The following PIPOX variants were observed in gnomAD, a reference collection of about 807,000 sequenced individuals.
PIPOX encodes the protein peroxisomal sarcosine oxidase.
A neutral mutation model predicts 47.9 loss-of-function variants in PIPOX; 45 were observed. The observed-to-expected ratio is 0.94, with a 90% confidence interval of 0.74 to 1.20. The LOEUF (loss-of-function observed/expected upper bound fraction) is 1.20. Among genes scored for constraint, PIPOX ranks in the 50% most tolerant of loss-of-function variants. The probability of loss-of-function intolerance (pLI) is 0.00; values close to 1 mark genes in which losing one functional copy is unlikely to be tolerated. For missense variants in PIPOX, 458 were observed against 498.4 expected, an observed-to-expected ratio of 0.92 and a Z score of 0.77; for synonymous variants, 165 against 191.3, an observed-to-expected ratio of 0.86 and a Z score of 1.13.
Position 29,053,479 on chromosome 17 carries a change from C to A in PIPOX, c.544C>A (p.Leu182Ile), listed in dbSNP as rs754941236. 10 of 1,614,032 alleles carry A rather than the reference C, an allele frequency of 6.2e-6. No individual in the cohort carries two copies. Among genetic ancestry groups the A allele is most frequent in the Non-Finnish European group, 8.5e-6 (10 of 1,179,980 alleles). Residue 182 changes from leucine to isoleucine, a missense_variant, in exon 4 of 8, where the codon CTA becomes ATA. Leu to Ile is a conservative substitution (Grantham distance 5, BLOSUM62 2). Transcript: ENST00000323372. ...GEKVVEINPG[L>I]LVTVKTTSRS... ...GAAGGTGGTGGAGATAAACCCAGGG[C>A]TACTGGTCACGGTGAAAACCACCTC...
intron 2 of PIPOX, among the ~76,000 whole-genome samples, chr17:29,049,089 C>T (rs1421226874): frequency 2.0e-5 from 3 of 150,914 alleles, no homozygotes; most frequent in African/African-American, 5.0e-5. Context: ...AGGCATTAGT[C>T]GGGCTATAGC....
rs140192193 is a variant in PIPOX at position 29,053,452 on chromosome 17, G to C, written c.517G>C (p.Glu173Gln). ...RQLGGIVRDG[E>Q]KVVEINPGLL... ...GCTAGGAGGCATAGTGCGTGACGGA[G>C]AGAAGGTGGTGGAGATAAACCCAGG... The change falls in exon 4 of 8, where the codon GAG (glutamate) becomes CAG (glutamine). Residue 173 changes from glutamate to glutamine, a missense_variant. Physicochemically the swap from Glu to Gln is conservative, Grantham distance 29. Coordinates refer to ENST00000323372, the MANE Select transcript of PIPOX (RefSeq NM_016518.3). 24 of 1,614,078 alleles carry C rather than the reference G, an allele frequency of 1.5e-5. No individual in the cohort carries two copies. Among genetic ancestry groups the C allele is most frequent in the Non-Finnish European group, 1.9e-5 (22 of 1,180,012 alleles).
At chr17:29,052,731 T>A (rs1172699657) in intron 2 of PIPOX, among the ~76,000 whole-genome samples, 189 bp from the exon 3 acceptor site, 1 of 152,238 alleles carries the variant, frequency 6.6e-6, no homozygotes, top group Non-Finnish European at 1.5e-5. Context: ...GGCTACTTTT[T>A]AAAAATTTTT....
intron 5 of PIPOX, 111 bp downstream of exon 5, chr17:29,054,802 C>T (rs2065820855): frequency 2.4e-6 from 3 of 1,270,992 alleles, no homozygotes; most frequent in South Asian, 2.8e-5. Context: ...GCAGCAGGAG[C>T]CTGCTTCACT....
In PIPOX at chr17:29,054,667, A is replaced by G. The variant is rs1184611144; in HGVS notation, c.783A>G (p.Thr261=). 2.5e-6 allele frequency: 4 copies of G among 1,614,172 alleles called. No individual in the cohort carries two copies. The highest frequency in any genetic ancestry group is 2.2e-5 in the East Asian group (1 of 44,884). Residue 261 remains threonine (T), a synonymous_variant, in exon 5 of 8, where the codon ACA becomes ACG. Transcript: ENST00000323372. The part of the protein sequence containing the change: ...LCPHHIYGLP[T]GEYPGLMKVS... ...CCCACCACATCTACGGACTGCCCAC[A>G]GGAGAGTACCCAGGGCTGATGAAGG...
chr17:29,047,754 C>G (rs1326961394), intron 2 of PIPOX, among the ~76,000 whole-genome samples: 1 of 152,086 alleles, frequency 6.6e-6, no homozygotes, highest in African/African-American at 2.4e-5. Flanking sequence ...CCAAAACAAG[C>G]AGAAGGCCAG....
Position 29,056,629 on chromosome 17 carries a change from T to C in PIPOX, c.*324T>C, listed in dbSNP as rs2065829617. The C allele has an allele frequency of 5.7e-6, 2 of 352,722 alleles. No homozygotes were observed. The highest frequency in any genetic ancestry group is 9.0e-5 in the South Asian group (2 of 22,244). 21.8% of individuals were successfully genotyped at this position (352,722 alleles called of 1,614,324 possible). On this transcript the variant is annotated 3_prime_UTR_variant, in exon 8 of 8. Transcript: ENST00000323372. The stretch of plus-strand genomic sequence containing the variant: ...GAGTAGCAAGGACGTTTGAGATGGG[T>C]ATATCAGTAAGAAGAGGGCACAAGA...
chr17:29,049,123 G>T (rs2065796165), intron 2 of PIPOX, among the ~76,000 whole-genome samples: 1 of 152,178 alleles, frequency 6.6e-6, no homozygotes. Context: ...CCCTCGGGAG[G>T]AATCTTCAAT....
chr17:29,056,007 T>C, intron 7 of PIPOX, 119 bp downstream of exon 7: 1 of 1,261,960 alleles, frequency 7.9e-7, no homozygotes, highest in Non-Finnish European at 1.2e-6. Context: ...ACATTGTAGG[T>C]ATAAGGAGGC....
intron 2 of PIPOX, among the ~76,000 whole-genome samples, chr17:29,051,489 A>G (rs1202838953): frequency 6.6e-6 from 1 of 152,176 alleles, no homozygotes; most frequent in Admixed American, 6.5e-5. Flanking sequence ...CTTTACACCC[A>G]CTACCTGGGG....
intron 2 of PIPOX, among the ~76,000 whole-genome samples, chr17:29,052,522 C>G (rs1281320350): frequency 6.6e-6 from 1 of 152,216 alleles, no homozygotes; most frequent in African/African-American, 2.4e-5. Context: ...ACACCTGGAC[C>G]CGAGATCCCT....
At position 29,053,487 on chromosome 17, in the gene PIPOX, C is replaced by T. The variant is rs748101195; in HGVS notation, c.552C>T (p.Val184=). 8.7e-6 allele frequency: 14 copies of T among 1,614,096 alleles called. No individual in the cohort carries two copies. Among genetic ancestry groups the T allele is most frequent in the Admixed American group, 1.7e-5 (1 of 60,026 alleles). Residue 184 remains valine (V), a synonymous_variant, in exon 4 of 8, where the codon GTC becomes GTT. Transcript: ENST00000323372. ...TGGAGATAAACCCAGGGCTACTGGTCACGGTGAAAACCACCTCCAGGAGCT... is the reference window on the plus strand; with the variant it reads ...TGGAGATAAACCCAGGGCTACTGGTTACGGTGAAAACCACCTCCAGGAGCT... ...KVVEINPGLL[V]TVKTTSRSYQ... is the part of the protein sequence containing the mutation.
At chr17:29,043,408 CA>C in intron 1 of PIPOX, 69 bp downstream of exon 1, 3 of 1,132,128 alleles carry the variant, frequency 2.6e-6, no homozygotes, top group African/African-American at 1.5e-5. Context: ...GAAGGGTTTT[CA>C]GAGCCAGCAG....
intron 2 of PIPOX, 43 bp downstream of exon 2, chr17:29,045,050 C>A: frequency 6.5e-7 from 1 of 1,544,672 alleles, no homozygotes; most frequent in Non-Finnish European, 8.7e-7. Context: ...GGCTCTGCAC[C>A]TGCAGGTACT....
At position 29,054,657 on chromosome 17, in the gene PIPOX, G is replaced by T. The variant is rs1253941572; in HGVS notation, c.773G>T (p.Gly258Val). Residue 258 changes from glycine to valine, a missense_variant, in exon 5 of 8, where the codon GGA (glycine) becomes GTA (valine). Transcript: ENST00000323372. ...WLGLCPHHIY[G>V]LPTGEYPGLM... Reference sequence around the variant, plus strand: ...GGCTTGTGTCCCCACCACATCTACGGACTGCCCACAGGAGAGTACCCAGGG... The same window carrying T: ...GGCTTGTGTCCCCACCACATCTACGTACTGCCCACAGGAGAGTACCCAGGG... 6.2e-7 allele frequency: 1 copy of T among 1,614,170 alleles called. No individual in the cohort carries two copies. Among genetic ancestry groups the T allele is most frequent in the Non-Finnish European group, 8.5e-7 (1 of 1,180,032 alleles).
In PIPOX at chr17:29,045,048, A is replaced by C. The variant is rs199809415; in HGVS notation, c.263+41A>C. 1.4e-3 allele frequency: 2,168 copies of C among 1,546,260 alleles called. 6 individuals carry two copies. Among genetic ancestry groups the C allele is most frequent in the Non-Finnish European group, 1.7e-3 (1,936 of 1,145,490 alleles). On this transcript the variant is annotated intron_variant, in intron 2 of 7. Coordinates refer to ENST00000323372, the MANE Select transcript of PIPOX (RefSeq NM_016518.3). Reference sequence around the variant, plus strand: ...AATTCCTTGAATCGTGGGGCTCTGCACCTGCAGGTACTTTTAGTGTGTGAA... The same window carrying C: ...AATTCCTTGAATCGTGGGGCTCTGCCCCTGCAGGTACTTTTAGTGTGTGAA...
Position 29,056,100 on chromosome 17 carries a change from G to A in PIPOX, c.1043-75G>A, listed in dbSNP as rs1013401566. 4 of 1,575,246 alleles carry A rather than the reference G, an allele frequency of 2.5e-6. 1 individual carries two copies. In the South Asian group the frequency reaches 4.5e-5, roughly 18 times the overall value. On this transcript the variant is annotated intron_variant, in intron 7 of 7. Transcript: ENST00000323372. The stretch of plus-strand genomic sequence containing the variant: ...ACCAGGAGGACAGTCAGCCCTGTCT[G>A]GGTAAGTAGGGGATGTCCAGAGAGC...
chr17:29,043,908 G>A (rs963615142), intron 1 of PIPOX, among the ~76,000 whole-genome samples: 4 of 151,770 alleles, frequency 2.6e-5, no homozygotes, highest in East Asian at 1.9e-4. Context: ...TTCCTGCTAC[G>A]CAGTGCAGTC....
At chr17:29,054,966 A>T in intron 5 of PIPOX, 97 bp from the exon 6 acceptor site, 2 of 1,494,656 alleles carry the variant, frequency 1.3e-6, no homozygotes, top group Non-Finnish European at 1.8e-6. Context: ...GGCTGGAATG[A>T]TGGATGGGGC....
Sources: gnomAD v4.1 joint callset for allele counts (sites outside exome capture counted in the v4.1 genomes callset) on GRCh38, gnomAD v4.1.1 for gene constraint, MANE v1.5 for transcripts, NCBI Gene and HGNC (gene_info 2026-07-23, HGNC 2026-07-21) for gene names.